Variants in COPZ1 observed in about 807,000 individuals in gnomAD.
The protein encoded by COPZ1 is coat protein complex I subunit zeta 1.
In COPZ1, 4 loss-of-function variants were observed where a neutral mutation model predicts 31.7. That is an observed-to-expected ratio of 0.13 (90% CI 0.06 to 0.29). The LOEUF is 0.29. Ranked by LOEUF, COPZ1 falls within the 10% of genes least tolerant of loss-of-function variation. The pLI, the probability that COPZ1 is intolerant of heterozygous loss-of-function variation, is 1.00. For synonymous variants in COPZ1, 74 were observed against 79.0 expected (o/e 0.94, Z 0.33); for missense variants, 156 against 211.5 (o/e 0.74, Z 1.63).
chr12:54,340,689 C>A, intron 2 of COPZ1, 74 bp downstream of exon 2: 1 of 1,424,582 alleles, frequency 7.0e-7, no homozygotes, highest in Admixed American at 2.1e-5. Context: ...GGGACTGATA[C>A]CTTATTAACT....
At chr12:54,346,783 G>A in intron 5 of COPZ1, 1 of 620,860 alleles carries the variant, frequency 1.6e-6, no homozygotes, top group Non-Finnish European at 3.0e-6. Flanking sequence ...TTGAGCCCAG[G>A]AGGTTGAGGC....
intron 1 of COPZ1, among the ~76,000 whole-genome samples, chr12:54,326,124 A>AATTATTATTATTATTATT (rs377508362): frequency 0.05 from 6,898 of 139,074 alleles, 261 homozygotes; most frequent in East Asian, 0.097. Flanking sequence ...CCTGGCCAGG[A>AATTATTATTATTATTATT]ATTATTATTA....
At position 54,351,801 on chromosome 12, in the gene COPZ1, T is replaced by G. The variant is rs1011691403; in HGVS notation, c.*1278T>G. On this transcript the variant is annotated 3_prime_UTR_variant, in exon 9 of 9. Coordinates refer to ENST00000262061, the MANE Select transcript of COPZ1 (RefSeq NM_016057.3). ...TGCATGGAGTCAGGAGAAAACCACC[T>G]TCATAAACTGCTCTGTGCAAAGAGG... 1 of 152,200 alleles carries G rather than the reference T, an allele frequency of 6.6e-6. No individual in the cohort carries two copies. Among genetic ancestry groups the G allele is most frequent in the Admixed American group, 6.5e-5 (1 of 15,280 alleles). The allele number at this position is 152,200 out of a possible 1,614,324, so 9.4% of individuals were successfully genotyped here.
chr12:54,335,690 T>C (rs1354047432), intron 1 of COPZ1, among the ~76,000 whole-genome samples: 1 of 151,680 alleles, frequency 6.6e-6, no homozygotes, highest in African/African-American at 2.4e-5. Flanking sequence ...CTTTTTTTTT[T>C]TGAGGCGGTC....
At chr12:54,331,906 T>C (rs1247708530) in intron 1 of COPZ1, among the ~76,000 whole-genome samples, 8 of 152,162 alleles carry the variant, frequency 5.3e-5, no homozygotes, top group Non-Finnish European at 1.2e-4. Context: ...GTCTGGAGTA[T>C]AGTCTGATTT....
At chr12:54,344,449 G>C (rs761520623) in intron 4 of COPZ1, among the ~76,000 whole-genome samples, 2 of 152,140 alleles carry the variant, frequency 1.3e-5, no homozygotes, top group Non-Finnish European at 2.9e-5. Context: ...CGTGGTGCGG[G>C]CACCTGTAGT....
chr12:54,339,318 C>T (rs1422552004), intron 1 of COPZ1, among the ~76,000 whole-genome samples: 20 of 150,582 alleles, frequency 1.3e-4, no homozygotes, highest in Admixed American at 1.3e-3. Flanking sequence ...CTTTCATGCA[C>T]ACATCACTAT....
intron 1 of COPZ1, among the ~76,000 whole-genome samples, chr12:54,329,069 A>G: frequency 6.6e-6 from 1 of 152,160 alleles, no homozygotes; most frequent in Non-Finnish European, 1.5e-5. Flanking sequence ...AGGTCTCCTT[A>G]GGCTCTAAGG....
intron 6 of COPZ1, 73 bp downstream of exon 6, chr12:54,347,917 T>C: frequency 6.2e-7 from 1 of 1,604,286 alleles, no homozygotes; most frequent in Non-Finnish European, 8.5e-7. Flanking sequence ...TCAAGCAGGC[T>C]CAGTGGCCAG....
At chr12:54,342,941 C>A (rs186064626) in intron 3 of COPZ1, among the ~76,000 whole-genome samples, 26 of 151,364 alleles carry the variant, frequency 1.7e-4, no homozygotes, top group African/African-American at 6.3e-4. Context: ...CCTGCAACCT[C>A]CGCCTCCCAG....
intron 1 of COPZ1, among the ~76,000 whole-genome samples, chr12:54,330,130 A>G (rs1413709011): frequency 6.6e-6 from 1 of 151,946 alleles, no homozygotes; most frequent in Non-Finnish European, 1.5e-5. Flanking sequence ...GTGGAGATAT[A>G]TTTCTCAGCT....
At chr12:54,328,268 T>C (rs1376988423) in intron 1 of COPZ1, among the ~76,000 whole-genome samples, 1 of 105,586 alleles carries the variant, frequency 9.5e-6, no homozygotes, top group Non-Finnish European at 1.8e-5. Context: ...AGTGTTAGAC[T>C]CCATCTCAAA....
At chr12:54,325,964 G>A (rs1251420427) in intron 1 of COPZ1, among the ~76,000 whole-genome samples, 1 of 151,024 alleles carries the variant, frequency 6.6e-6, no homozygotes, top group Non-Finnish European at 1.5e-5. Flanking sequence ...GACTATAGGC[G>A]CGTGCCACCA....
At chr12:54,347,579 C>T (rs538342560) in intron 5 of COPZ1, among the ~76,000 whole-genome samples, 188 bp from the exon 6 acceptor site, 1 of 152,162 alleles carries the variant, frequency 6.6e-6, no homozygotes. Flanking sequence ...CCATACATTC[C>T]TTATTCAGCA....
intron 4 of COPZ1, 69 bp downstream of exon 4, chr12:54,343,385 T>A: frequency 7.5e-7 from 1 of 1,328,998 alleles, no homozygotes; most frequent in Non-Finnish European, 1.1e-6. Flanking sequence ...ACATAGCCAC[T>A]GGTTTGGGGC....
At position 54,347,815 on chromosome 12, in the gene COPZ1, C is replaced by T. The variant is rs1237277869; in HGVS notation, c.366C>T (p.Phe122=). 1.2e-6 allele frequency: 2 copies of T among 1,612,508 alleles called. No homozygotes were observed. The highest frequency in any genetic ancestry group is 3.4e-5 in the Admixed American group (2 of 59,354). The change falls in exon 6 of 9, where the codon TTC becomes TTT. Residue 122 remains phenylalanine (F), a synonymous_variant. Transcript: ENST00000262061. ...RALLENMEGL[F]LAVDEIVDGG... is the part of the protein sequence containing the mutation. Reference sequence around the variant, plus strand: ...TGCTGGAGAACATGGAGGGGCTGTTCTTGGCTGTGGATGAAATTGTAGATG... The same window carrying T: ...TGCTGGAGAACATGGAGGGGCTGTTTTTGGCTGTGGATGAAATTGTAGATG...
At chr12:54,345,373 T>C in intron 4 of COPZ1, 87 bp from the exon 5 acceptor site, 1 of 914,860 alleles carries the variant, frequency 1.1e-6, no homozygotes, top group South Asian at 1.5e-5. Flanking sequence ...TGTCTTTTGA[T>C]GTTTAATGAA....
At position 54,350,556 on chromosome 12, in the gene COPZ1, C is replaced by CAAAA; in HGVS notation, c.*36_*39dup. On this transcript the variant is annotated 3_prime_UTR_variant, in exon 9 of 9. Transcript: ENST00000262061. Reference sequence around the variant, plus strand: ...ACTGTTCCTGGCTCTTCATCCTCTTCAAAAAATTTGCATGTCTGCTGTGAA... The same window carrying CAAAA: ...ACTGTTCCTGGCTCTTCATCCTCTTCAAAAAAAAAATTTGCATGTCTGCTGTGAA... The CAAAA allele has an allele frequency of 6.3e-7, 1 of 1,590,558 alleles. No individual in the cohort carries two copies. Among genetic ancestry groups the CAAAA allele is most frequent in the Non-Finnish European group, 8.6e-7 (1 of 1,158,572 alleles).
chr12:54,333,799 G>A (rs1026578103), intron 1 of COPZ1, among the ~76,000 whole-genome samples: 3 of 152,154 alleles, frequency 2.0e-5, no homozygotes, highest in Non-Finnish European at 4.4e-5. Flanking sequence ...TCTTCCTGCC[G>A]TCAGTTCTTC....
Sources: allele counts gnomAD v4.1 joint callset (sites outside exome capture counted in the v4.1 genomes callset), GRCh38; gene constraint gnomAD v4.1.1; transcripts MANE v1.5; gene names NCBI Gene and HGNC (gene_info 2026-07-23, HGNC 2026-07-21).